Variants in TMEM131 observed in about 807,000 individuals in gnomAD.
TMEM131 encodes 2610524E03Rik.
In TMEM131, 66 loss-of-function variants were observed where a neutral mutation model predicts 211.6. That is an observed-to-expected ratio of 0.31 (90% confidence interval 0.26 to 0.38). The LOEUF is 0.38. Among genes scored for constraint, TMEM131 ranks in the 10% least tolerant of loss-of-function variants. The pLI is 1.00. For missense variants in TMEM131, 2,036 were observed against 2,299.3 expected (o/e 0.89, Z 2.34); for synonymous variants, 844 against 841.3 (o/e 1.00, Z -0.06).
intron 4 of TMEM131, among the ~76,000 whole-genome samples, chr2:97,882,606 G>A (rs1674981843): frequency 6.6e-6 from 1 of 152,188 alleles, no homozygotes; most frequent in Admixed American, 6.5e-5. Context: ...TGTGCCCTTG[G>A]GGTTCCAGCC....
intron 1 of TMEM131, among the ~76,000 whole-genome samples, chr2:97,983,224 T>C (rs1679875864): frequency 6.6e-6 from 1 of 152,214 alleles, no homozygotes; most frequent in African/African-American, 2.4e-5. Flanking sequence ...TTCAGTCTCA[T>C]AATGACGGTC....
At chr2:97,883,407 C>A (rs1675014551) in intron 4 of TMEM131, among the ~76,000 whole-genome samples, 1 of 152,170 alleles carries the variant, frequency 6.6e-6, no homozygotes, top group African/African-American at 2.4e-5. Flanking sequence ...TACCCATTCA[C>A]ACTTCTTCCA....
intron 7 of TMEM131, among the ~76,000 whole-genome samples, chr2:97,839,059 C>T (rs1288796133): frequency 6.6e-6 from 1 of 152,196 alleles, no homozygotes; most frequent in African/African-American, 2.4e-5. Flanking sequence ...CTCAGTGGCT[C>T]ATGCCTGTAA....
At chr2:97,861,673 A>T (rs914006885) in intron 4 of TMEM131, among the ~76,000 whole-genome samples, 2 of 151,660 alleles carry the variant, frequency 1.3e-5, no homozygotes, top group Admixed American at 6.6e-5. Flanking sequence ...GACTGCATCA[A>T]ATGGGTTGAA....
intron 3 of TMEM131, among the ~76,000 whole-genome samples, chr2:97,896,412 T>G (rs112309810): frequency 0.022 from 3,339 of 152,250 alleles, 135 homozygotes; most frequent in African/African-American, 0.077. Context: ...GTCCTGAATA[T>G]CCTTGTTAAT....
At position 97,972,617 on chromosome 2, in the gene TMEM131, T is replaced by G. The variant is rs79418123; in HGVS notation, c.187+22859A>C. 3.2e-3 allele frequency among the ~76,000 whole-genome samples: 486 copies of G among 152,198 alleles called. 6 individuals carry two copies. The East Asian group carries it at 0.04, about 13-fold the overall frequency. ...ACTCCAAGACGCCCACATCCTAACCTCGGGATCTTGTGAATATGCCAAATC... is the reference window on the plus strand; with the variant it reads ...ACTCCAAGACGCCCACATCCTAACCGCGGGATCTTGTGAATATGCCAAATC... On this transcript the variant is annotated intron_variant, in intron 1 of 40. Coordinates refer to ENST00000186436, the MANE Select transcript of TMEM131 (RefSeq NM_015348.2).
intron 31 of TMEM131, among the ~76,000 whole-genome samples, chr2:97,780,136 T>A (rs2104835708): frequency 6.6e-6 from 1 of 152,240 alleles, no homozygotes; most frequent in African/African-American, 2.4e-5. Flanking sequence ...CAGAGACCTG[T>A]GTTGGGGAAT....
At chr2:97,876,039 A>G (rs1406392493) in intron 4 of TMEM131, among the ~76,000 whole-genome samples, 1 of 152,190 alleles carries the variant, frequency 6.6e-6, no homozygotes, top group Non-Finnish European at 1.5e-5. Context: ...CCACTTATCC[A>G]ACAGAAATAC....
At chr2:97,831,395 C>T (rs891416420) in intron 11 of TMEM131, among the ~76,000 whole-genome samples, 11 of 152,170 alleles carry the variant, frequency 7.2e-5, no homozygotes, top group Admixed American at 3.9e-4. Context: ...AGCATAGCAG[C>T]TAGCATACAG....
At chr2:97,770,248 G>A (rs937603450) in intron 33 of TMEM131, among the ~76,000 whole-genome samples, 23 of 152,130 alleles carry the variant, frequency 1.5e-4, no homozygotes, top group African/African-American at 5.6e-4. Flanking sequence ...AAAAAAACCA[G>A]TCTTTATTTG....
At chr2:97,804,975 C>G in intron 22 of TMEM131, 113 bp downstream of exon 22, 3 of 725,912 alleles carry the variant, frequency 4.1e-6, no homozygotes, top group Non-Finnish European at 6.3e-6. Context: ...ATTAGGCATT[C>G]TTTCTTAGCT....
intron 25 of TMEM131, among the ~76,000 whole-genome samples, chr2:97,800,022 C>A (rs903528943): frequency 6.6e-6 from 1 of 151,968 alleles, no homozygotes; most frequent in African/African-American, 2.4e-5. Flanking sequence ...TTTGATGTTA[C>A]CTATGTTGAA....
chr2:97,854,125 G>A lies in TMEM131; in HGVS notation c.483+5179C>T, dbSNP rs1673743419. ...CTGTCTTATTTTAAGCAACTGTCAC[G>A]GCCATCCCAACCTTCAGCAACCACT... On this transcript the variant is annotated intron_variant, in intron 5 of 40. Transcript: ENST00000186436. Among the ~76,000 whole-genome samples, 3 of 151,314 alleles carry A rather than the reference G, an allele frequency of 2.0e-5. No homozygotes were observed. In the South Asian group the frequency reaches 6.2e-4, roughly 31 times the overall value.
At chr2:97,924,462 G>A (rs1463344062) in intron 2 of TMEM131, among the ~76,000 whole-genome samples, 1 of 152,194 alleles carries the variant, frequency 6.6e-6, no homozygotes, top group Admixed American at 6.5e-5. Context: ...TCCAAGGTCA[G>A]GACATGGGGG....
At chr2:97,954,691 A>T (rs907649208) in intron 1 of TMEM131, among the ~76,000 whole-genome samples, 4 of 151,644 alleles carry the variant, frequency 2.6e-5, no homozygotes, top group Admixed American at 6.6e-5. Flanking sequence ...CTGTAGTTCC[A>T]GCTACTCAGG....
intron 19 of TMEM131, among the ~76,000 whole-genome samples, chr2:97,806,618 G>A (rs1272707324): frequency 6.6e-6 from 1 of 152,146 alleles, no homozygotes; most frequent in African/African-American, 2.4e-5. Context: ...CCAGTCACAA[G>A]CTTCTGTCTG....
chr2:97,840,090 G>C (rs1683125685), intron 7 of TMEM131, among the ~76,000 whole-genome samples: 1 of 152,238 alleles, frequency 6.6e-6, no homozygotes, highest in African/African-American at 2.4e-5. Context: ...ACAAGGGTAA[G>C]AGTGTCTTCC....
At chr2:97,995,440 A>G in intron 1 of TMEM131, 36 bp downstream of exon 1, 1 of 1,328,862 alleles carries the variant, frequency 7.5e-7, no homozygotes, top group Non-Finnish European at 9.6e-7. Context: ...GCGGGGTGAC[A>G]GCCCCGCCGC....
In TMEM131 at chr2:97,833,375, A is replaced by G. The variant is rs1208870645; in HGVS notation, c.1064T>C (p.Val355Ala). 13 of 1,306,700 alleles carry G rather than the reference A, an allele frequency of 9.9e-6. No homozygotes were observed. The highest frequency in any genetic ancestry group is 1.3e-5 in the Non-Finnish European group (12 of 930,028). 80.9% of individuals were successfully genotyped at this position (1,306,700 alleles called of 1,614,324 possible). A position where few individuals can be genotyped will look rare whatever the true frequency, so the allele number is the denominator to read the frequency against. Residue 355 changes from valine (V) to alanine (A), a missense_variant, in exon 11 of 41, where the codon GTA (valine) becomes GCA (alanine). Around this residue, in one of 3 missense-constraint regions of TMEM131, gnomAD observed 277 missense variants for 378.0 expected, o/e 0.73. Transcript: ENST00000186436. Reference sequence around the variant, plus strand: ...GAAGTAAAAACTTACTGTTATTGGTACATCTTTTGTTCCTGAATTTAATAA... The same window carrying G: ...GAAGTAAAAACTTACTGTTATTGGTGCATCTTTTGTTCCTGAATTTAATAA... ...LHLLNSGTKD[V>A]PITSVRPTPQ...
Sources: gnomAD v4.1 joint callset for allele counts (sites outside exome capture counted in the v4.1 genomes callset) on GRCh38, gnomAD v4.1.1 for gene constraint, gnomAD v4.1.1 regional missense constraint, MANE v1.5 for transcripts, NCBI Gene and HGNC (gene_info 2026-07-23, HGNC 2026-07-21) for gene names.